The following SPACA1 variants were observed in gnomAD, a reference collection of about 807,000 sequenced individuals.
The protein encoded by SPACA1 is sperm acrosome membrane-associated protein 1.
A neutral mutation model predicts 32.6 loss-of-function variants in SPACA1; 17 were observed. The observed-to-expected ratio is 0.52, with a 90% CI of 0.36 to 0.78. The LOEUF is 0.78. Ranked by LOEUF, SPACA1 falls within the 30% of genes least tolerant of loss-of-function variation. SPACA1 has a pLI of 0.01. For synonymous variants in SPACA1, 140 were observed against 138.1 expected (o/e 1.01, Z -0.10); for missense variants, 363 against 373.4 (o/e 0.97, Z 0.23).
chr6:88,048,136 G>T lies in SPACA1; in HGVS notation c.208+23G>T, dbSNP rs1171925138. ...ATGGTGAGGGCGGGAGCTCCCTTGC[G>T]GGGCACGCGGAGGCCCCTGTTGACG... On this transcript the variant is annotated intron_variant, in intron 1 of 6. Transcript: ENST00000237201. The T allele has an allele frequency of 4.5e-6, 7 of 1,561,604 alleles. No individual in the cohort carries two copies. The African/African-American group carries it at 8.1e-5, about 18-fold the overall frequency.
intron 5 of SPACA1, among the ~76,000 whole-genome samples, 186 bp from the exon 6 acceptor site, chr6:88,063,913 C>A (rs1237583947): frequency 1.3e-5 from 2 of 152,034 alleles, no homozygotes; most frequent in Non-Finnish European, 2.9e-5. Flanking sequence ...TTGTCAAATT[C>A]TTTTAACTTT....
At chr6:88,054,866 A>G (rs1171798727) in intron 2 of SPACA1, among the ~76,000 whole-genome samples, 1 of 152,152 alleles carries the variant, frequency 6.6e-6, no homozygotes, top group Non-Finnish European at 1.5e-5. Flanking sequence ...TTAAACATAC[A>G]AGTCCGTTGA....
In SPACA1 at chr6:88,048,243, A is replaced by AGTTTGTCCC; in HGVS notation, c.208+131_208+139dup. ...AGCTCTCTCTCATACTTCAGCCCCG[A>AGTTTGTCCC]GTTTGTCCCTTTCTTGCATCCTGTG... On this transcript the variant is annotated intron_variant, in intron 1 of 6. Coordinates refer to ENST00000237201, the MANE Select transcript of SPACA1 (RefSeq NM_030960.3). 3.1e-6 allele frequency: 3 copies of AGTTTGTCCC among 982,698 alleles called. No individual in the cohort carries two copies. The East Asian group carries it at 8.0e-5, about 26-fold the overall frequency. 60.9% of individuals were successfully genotyped at this position (982,698 alleles called of 1,614,324 possible).
rs563755142 is a variant in SPACA1, at chr6:88,056,392, C to A, written c.266-1220C>A. ...GATAAACTCAAGTGGAGCCGTACTT[C>A]AGCCATTCTCAGCCATCATCTCTCT... On this transcript the variant is annotated intron_variant, in intron 2 of 6. Coordinates refer to ENST00000237201, the MANE Select transcript of SPACA1 (RefSeq NM_030960.3). Among the ~76,000 whole-genome samples the A allele has an allele frequency of 5.3e-5, 8 of 152,274 alleles. No individual in the cohort carries two copies. The South Asian group carries it at 1.5e-3, about 28-fold the overall frequency.
At chr6:88,059,236 A>G (rs550054025) in intron 4 of SPACA1, among the ~76,000 whole-genome samples, 1 of 152,246 alleles carries the variant, frequency 6.6e-6, no homozygotes, top group South Asian at 2.1e-4. Flanking sequence ...CCATTTTTAC[A>G]AGTAAGTAAC....
In SPACA1 at chr6:88,066,474, G is replaced by A. The variant is rs1775988673; in HGVS notation, c.*139G>A. ...GTGAAGGAAATGCAGTGTGGGGATAGGACTATTTTATCAGTGCATTTTTCC... is the reference window on the plus strand; with the variant it reads ...GTGAAGGAAATGCAGTGTGGGGATAAGACTATTTTATCAGTGCATTTTTCC... On this transcript the variant is annotated 3_prime_UTR_variant, in exon 7 of 7. Coordinates refer to ENST00000237201, the MANE Select transcript of SPACA1 (RefSeq NM_030960.3). The A allele has an allele frequency of 7.2e-6, 5 of 697,808 alleles. No individual in the cohort carries two copies. Among genetic ancestry groups the A allele is most frequent in the Non-Finnish European group, 1.0e-5 (5 of 477,782 alleles). The allele number at this position is 697,808 out of a possible 1,614,324, so 43.2% of individuals were successfully genotyped here. A position where few individuals can be genotyped will look rare whatever the true frequency, so the allele number is the denominator to read the frequency against.
At chr6:88,065,348 C>T (rs1469310394) in intron 6 of SPACA1, among the ~76,000 whole-genome samples, 1 of 147,334 alleles carries the variant, frequency 6.8e-6, no homozygotes, top group East Asian at 1.9e-4. Flanking sequence ...ATAATACATA[C>T]ATAATATTAT....
Position 88,066,337 on chromosome 6 carries a change from G to A in SPACA1, c.*2G>A. 1 of 1,607,860 alleles carries A rather than the reference G, an allele frequency of 6.2e-7. No homozygotes were observed. The highest frequency in any genetic ancestry group is 8.5e-7 in the Non-Finnish European group (1 of 1,176,988). Reference sequence around the variant, plus strand: ...GCTTTAAGTGAATGGAATGAATGATGTTTGAATGATATATAACAAACCAAA... The same window carrying A: ...GCTTTAAGTGAATGGAATGAATGATATTTGAATGATATATAACAAACCAAA... On this transcript the variant is annotated 3_prime_UTR_variant, in exon 7 of 7. Coordinates refer to ENST00000237201, the MANE Select transcript of SPACA1 (RefSeq NM_030960.3).
intron 2 of SPACA1, 97 bp downstream of exon 2, chr6:88,054,099 C>A: frequency 1.0e-6 from 1 of 967,374 alleles, no homozygotes; most frequent in Non-Finnish European, 1.6e-6. Flanking sequence ...TGTGTACTTT[C>A]ATGCATCTCT....
At chr6:88,047,011 T>C (rs1035047996), upstream of SPACA1, among the ~76,000 whole-genome samples, 1 of 152,216 alleles carries the variant, frequency 6.6e-6, no homozygotes, top group Non-Finnish European at 1.5e-5. Context: ...GCACCCTATA[T>C]GTCTTTTCAA....
intron 5 of SPACA1, among the ~76,000 whole-genome samples, chr6:88,061,687 T>G (rs1475717547): frequency 6.6e-6 from 1 of 151,684 alleles, no homozygotes. Context: ...TTTTCAGACT[T>G]CTAGCCTCCA....
intron 1 of SPACA1, among the ~76,000 whole-genome samples, chr6:88,053,255 C>T (rs1418222660): frequency 6.6e-6 from 1 of 152,212 alleles, no homozygotes; most frequent in Admixed American, 6.5e-5. Flanking sequence ...TAACAACTCA[C>T]TTTATATTTT....
At chr6:88,051,310 T>A (rs1775725302) in intron 1 of SPACA1, among the ~76,000 whole-genome samples, 1 of 152,230 alleles carries the variant, frequency 6.6e-6, no homozygotes, top group Admixed American at 6.5e-5. Flanking sequence ...AGTTGTAGTC[T>A]ATACAATGGG....
In SPACA1 at chr6:88,059,443, T is replaced by C. The variant is rs1206384991; in HGVS notation, c.475-10T>C. 6.3e-7 allele frequency: 1 copy of C among 1,585,640 alleles called. No homozygotes were observed. Among genetic ancestry groups the C allele is most frequent in the East Asian group, 2.3e-5 (1 of 44,204 alleles). ...TGTTGATACTTTGTTATTTTTTTCTTTTTAAATAGCAATCCATTATACTTG... is the reference window on the plus strand; with the variant it reads ...TGTTGATACTTTGTTATTTTTTTCTCTTTAAATAGCAATCCATTATACTTG... On this transcript the variant is annotated splice_polypyrimidine_tract_variant and intron_variant, in intron 4 of 6. Transcript: ENST00000237201.
intron 1 of SPACA1, among the ~76,000 whole-genome samples, chr6:88,052,412 A>G (rs806430): frequency 0.9 from 136,899 of 151,976 alleles, 61,860 homozygotes; most frequent in African/African-American, 0.96. Flanking sequence ...GTGTCTGTAG[A>G]AGGTATCTAA....
chr6:88,061,359 A>G (rs1357521057), intron 5 of SPACA1, among the ~76,000 whole-genome samples: 1 of 152,144 alleles, frequency 6.6e-6, no homozygotes, highest in African/African-American at 2.4e-5. Flanking sequence ...AGGTTGTACT[A>G]GAGCAGAGTG....
chr6:88,051,040 A>G (rs1381064202), intron 1 of SPACA1, among the ~76,000 whole-genome samples: 4 of 152,032 alleles, frequency 2.6e-5, no homozygotes, highest in African/African-American at 9.7e-5. Flanking sequence ...CCAGCTACTC[A>G]GGAGGCTGAG....
chr6:88,052,830 C>A (rs754586697), intron 1 of SPACA1, among the ~76,000 whole-genome samples: 1 of 152,036 alleles, frequency 6.6e-6, no homozygotes, highest in Non-Finnish European at 1.5e-5. Flanking sequence ...GAGCAAGACT[C>A]TCTCGGAAAA....
chr6:88,065,484 G>T (rs1259535942), intron 6 of SPACA1, among the ~76,000 whole-genome samples: 2 of 146,200 alleles, frequency 1.4e-5, no homozygotes, highest in African/African-American at 5.0e-5. Flanking sequence ...TACTATATTT[G>T]CATATATATT....
Sources: gnomAD v4.1 joint callset for allele counts (sites outside exome capture counted in the v4.1 genomes callset) on GRCh38, gnomAD v4.1.1 for gene constraint, MANE v1.5 for transcripts, NCBI Gene and HGNC (gene_info 2026-07-23, HGNC 2026-07-21) for gene names.